SLC38A6: variants seen among roughly 807,000 people sequenced by gnomAD.
SLC38A6 encodes N system amino acid transporter NAT-1.
SLC38A6 carries 73 observed loss-of-function variants against 65.0 expected under a neutral mutation model. The ratio of observed to expected loss-of-function variants is 1.12; its 90% CI spans 0.93 to 1.37. The LOEUF (loss-of-function observed/expected upper bound fraction) is 1.37, where lower values mean the gene tolerates loss of function less well. Among genes scored for constraint, SLC38A6 ranks in the 40% most tolerant of loss-of-function variants. The probability of loss-of-function intolerance (pLI) is 0.00; values close to 1 mark genes in which losing one functional copy is unlikely to be tolerated. For missense variants in SLC38A6, 561 were observed against 531.1 expected (o/e 1.06, Z -0.55); for synonymous variants, 183 against 178.8 (o/e 1.02, Z -0.19).
intron 5 of SLC38A6, among the ~76,000 whole-genome samples, chr14:61,021,268 T>C (rs1216342770): frequency 6.6e-6 from 1 of 152,144 alleles, no homozygotes; most frequent in Non-Finnish European, 1.5e-5. Flanking sequence ...ATTCTAGATA[T>C]ATTTATCAAG....
intron 5 of SLC38A6, among the ~76,000 whole-genome samples, chr14:61,029,604 A>G (rs2040824633): frequency 6.6e-6 from 1 of 152,186 alleles, no homozygotes; most frequent in Non-Finnish European, 1.5e-5. Context: ...CTGTAACCAT[A>G]TTAAAACTTT....
At position 61,052,311 on chromosome 14, in the gene SLC38A6, ATCTTTCTTATCTTTTATCTTTTT is replaced by A; in HGVS notation, c.1291-33_1291-11del. 6.8e-7 allele frequency: 1 copy of A among 1,479,448 alleles called. No individual in the cohort carries two copies. Among genetic ancestry groups the A allele is most frequent in the Non-Finnish European group, 9.1e-7 (1 of 1,101,110 alleles). The allele number at this position is 1,479,448 out of a possible 1,614,324, so 91.6% of individuals were successfully genotyped here. A position where few individuals can be genotyped will look rare whatever the true frequency, so the allele number is the denominator to read the frequency against. ...TGTATTTTTTTATCTTTTTTCTTTT[ATCTTTCTTATCTTTTATCTTTTT>A]TCTTATTTCCACAGGCATTCGTTTT... On this transcript the variant is annotated splice_polypyrimidine_tract_variant and intron_variant, in intron 15 of 15. Transcript: ENST00000267488.
chr14:60,982,588 C>T lies in SLC38A6; in HGVS notation c.186C>T (p.Gly62=), dbSNP rs368607737. ...FNLMNAIMGS[G]ILGLAYVLAN... is the part of the protein sequence containing the mutation. Reference sequence around the variant, plus strand: ...TGATGAATGCCATCATGGGAAGTGGCATCCTTGGCTTAGCTTATGTTTTGG... The same window carrying T: ...TGATGAATGCCATCATGGGAAGTGGTATCCTTGGCTTAGCTTATGTTTTGG... The change falls in exon 2 of 16, where the codon GGC becomes GGT. Residue 62 remains glycine, a synonymous_variant. Coordinates refer to ENST00000267488, the MANE Select transcript of SLC38A6 (RefSeq NM_153811.3). 6 of 1,613,828 alleles carry T rather than the reference C, an allele frequency of 3.7e-6. No individual in the cohort carries two copies. Among genetic ancestry groups the T allele is most frequent in the Non-Finnish European group, 5.1e-6 (6 of 1,179,970 alleles).
At chr14:60,989,232 A>G (rs1227838753) in intron 3 of SLC38A6, among the ~76,000 whole-genome samples, 3 of 151,862 alleles carry the variant, frequency 2.0e-5, no homozygotes, top group East Asian at 1.9e-4. Flanking sequence ...CTACCCCCCA[A>G]CTTGTGCTAT....
At chr14:61,046,485 A>G (rs1263971300) in intron 12 of SLC38A6, among the ~76,000 whole-genome samples, 3 of 152,212 alleles carry the variant, frequency 2.0e-5, no homozygotes, top group Non-Finnish European at 4.4e-5. Flanking sequence ...TTAAATTTTG[A>G]ATTCAATATA....
chr14:61,008,367 A>G (rs1007985319), intron 3 of SLC38A6, among the ~76,000 whole-genome samples: 2 of 152,156 alleles, frequency 1.3e-5, no homozygotes, highest in Non-Finnish European at 2.9e-5. Flanking sequence ...TTATTTTTAC[A>G]TACATGTAGG....
At chr14:61,036,179 C>G (rs2041351601) in intron 6 of SLC38A6, among the ~76,000 whole-genome samples, 1 of 151,672 alleles carries the variant, frequency 6.6e-6, no homozygotes, top group Admixed American at 6.6e-5. Context: ...CCATGTTTTT[C>G]CTCAAAATTA....
intron 11 of SLC38A6, among the ~76,000 whole-genome samples, chr14:61,045,643 G>C (rs2042093421): frequency 2.0e-5 from 3 of 152,054 alleles, no homozygotes; most frequent in African/African-American, 7.2e-5. Context: ...CAGCACTTTG[G>C]GAGGCCGAGG....
intron 3 of SLC38A6, among the ~76,000 whole-genome samples, chr14:61,011,489 C>T (rs1279133234): frequency 6.6e-6 from 1 of 152,026 alleles, no homozygotes; most frequent in Admixed American, 6.6e-5. Flanking sequence ...CCAGTTTTTG[C>T]CCATTCAGTA....
intron 4 of SLC38A6, 110 bp from the exon 5 acceptor site, chr14:61,019,431 C>A: frequency 1.0e-6 from 1 of 1,003,928 alleles, no homozygotes; most frequent in Non-Finnish European, 1.5e-6. Context: ...AGTTTCTCCT[C>A]ACAACTTCTG....
intron 4 of SLC38A6, 35 bp downstream of exon 4, chr14:61,015,991 C>G (rs201370099): frequency 6.5e-7 from 1 of 1,534,304 alleles, no homozygotes; most frequent in African/African-American, 1.4e-5. Context: ...GTCCAAAACC[C>G]AAAGTGGCAT....
At chr14:61,083,413 C>A in intron 16 of SLC38A6, 1 of 1,291,852 alleles carries the variant, frequency 7.7e-7, no homozygotes, top group African/African-American at 1.5e-5. Context: ...GTGTTCCAAC[C>A]CCAAATTCGT....
At chr14:60,991,867 G>A (rs527485754) in intron 3 of SLC38A6, among the ~76,000 whole-genome samples, 5 of 152,286 alleles carry the variant, frequency 3.3e-5, no homozygotes, top group Non-Finnish European at 5.9e-5. Flanking sequence ...CATCGCATCC[G>A]TGTTCTAGAG....
In SLC38A6 at chr14:61,037,142, G is replaced by T. The variant is rs759968619; in HGVS notation, c.565+1G>T. 1 of 1,591,614 alleles carries T rather than the reference G, an allele frequency of 6.3e-7. No individual in the cohort carries two copies. Among genetic ancestry groups the T allele is most frequent in the Non-Finnish European group, 8.6e-7 (1 of 1,167,188 alleles). On this transcript the variant is annotated splice_donor_variant, in intron 7 of 15. Transcript: ENST00000267488. LOFTEE classifies it high-confidence loss of function. ...CCTCTTGCACTTCTTCCCAAAATAG[G>T]TAAGTCTTTATAGAGCACATTATTT... is the stretch of plus-strand genomic sequence containing the variant.
chr14:61,044,959 G>A (rs1204542090), intron 10 of SLC38A6, among the ~76,000 whole-genome samples: 1 of 152,116 alleles, frequency 6.6e-6, no homozygotes, highest in East Asian at 1.9e-4. Context: ...TTTAAATTGT[G>A]CGTACATTTA....
At chr14:61,002,253 C>A (rs1461628942) in intron 3 of SLC38A6, 1 of 151,792 alleles carries the variant, frequency 6.6e-6, no homozygotes, top group Non-Finnish European at 1.5e-5. Context: ...GGCATCTAAA[C>A]ACATACTAAG....
intron 16 of SLC38A6, among the ~76,000 whole-genome samples, chr14:61,081,413 T>C (rs1030333843): frequency 3.4e-5 from 5 of 147,214 alleles, no homozygotes; most frequent in Non-Finnish European, 7.6e-5. Context: ...TCATGTTCCA[T>C]GAAGCCTTTC....
intron 3 of SLC38A6, among the ~76,000 whole-genome samples, chr14:60,988,680 C>T (rs754572544): frequency 6.6e-6 from 1 of 152,198 alleles, no homozygotes. Context: ...CCTACCAAGA[C>T]TTCTATCAAT....
At chr14:61,024,620 T>TA (rs1411789066) in intron 5 of SLC38A6, among the ~76,000 whole-genome samples, 2 of 152,256 alleles carry the variant, frequency 1.3e-5, no homozygotes, top group East Asian at 1.9e-4. Context: ...ATAGTTCCTG[T>TA]AACAGTGTTG....
Sources: allele counts gnomAD v4.1 joint callset (sites outside exome capture counted in the v4.1 genomes callset), GRCh38; gene constraint gnomAD v4.1.1; transcripts MANE v1.5; gene names NCBI Gene and HGNC (gene_info 2026-07-23, HGNC 2026-07-21).